Variants in TPST1 observed in about 807,000 individuals in gnomAD.
The protein encoded by TPST1 is tyrosylprotein sulfotransferase 1.
TPST1 carries 20 observed loss-of-function variants against 34.8 expected under a neutral mutation model. That is an observed-to-expected ratio of 0.57 (90% CI 0.40 to 0.84). TPST1 has a LOEUF of 0.84. Among genes scored for constraint, TPST1 ranks in the 40% least tolerant of loss-of-function variants. The probability of loss-of-function intolerance (pLI) is 0.00; values close to 1 mark genes in which losing one functional copy is unlikely to be tolerated. For synonymous variants in TPST1, 152 were observed against 159.4 expected, an observed-to-expected ratio of 0.95 and a Z score of 0.35; for missense variants, 353 against 455.5, an observed-to-expected ratio of 0.78 and a Z score of 2.05.
intron 3 of TPST1, among the ~76,000 whole-genome samples, chr7:66,296,439 C>CT (rs1488832104): frequency 6.6e-6 from 1 of 151,890 alleles, no homozygotes; most frequent in Non-Finnish European, 1.5e-5. Context: ...ATCTTCAAAG[C>CT]TTTTTTGCCT....
At chr7:66,328,886 C>CTCTCTATA (rs757168858) in intron 3 of TPST1, among the ~76,000 whole-genome samples, 29 of 22,094 alleles carry the variant, frequency 1.3e-3, no homozygotes, top group Admixed American at 2.6e-3. Flanking sequence ...CTCTCTCTCT[C>CTCTCTATA]TATATATATA....
At chr7:66,265,199 A>G (rs1395169010) in intron 2 of TPST1, among the ~76,000 whole-genome samples, 1 of 152,236 alleles carries the variant, frequency 6.6e-6, no homozygotes, top group Non-Finnish European at 1.5e-5. Context: ...GTGTACCAAC[A>G]TACACATGAC....
chr7:66,215,374 G>A (rs1310056968), intron 1 of TPST1, among the ~76,000 whole-genome samples: 4 of 147,056 alleles, frequency 2.7e-5, no homozygotes, highest in African/African-American at 5.0e-5. Flanking sequence ...TTATATATAT[G>A]TATATATATA....
At chr7:66,337,524 G>T (rs996122093) in intron 3 of TPST1, among the ~76,000 whole-genome samples, 1 of 151,934 alleles carries the variant, frequency 6.6e-6, no homozygotes, top group African/African-American at 2.4e-5. Context: ...GGCCAGGCTG[G>T]TCTCGAACTC....
intron 1 of TPST1, among the ~76,000 whole-genome samples, chr7:66,231,744 A>G (rs971207372): frequency 1.3e-5 from 2 of 152,222 alleles, no homozygotes; most frequent in Admixed American, 6.5e-5. Context: ...CTGCAAGCTG[A>G]GGGAGCCGGC....
rs533338766 is a variant in TPST1, at chr7:66,215,720, A to T, written c.-102+10198A>T. On this transcript the variant is annotated intron_variant, in intron 1 of 5. Coordinates refer to ENST00000304842, the MANE Select transcript of TPST1 (RefSeq NM_003596.4). ...GAATTAGTGTCAATTTTTTTTTTTA[A>T]CTTTTGATAGAATTTACTAGTGAAG... Among the ~76,000 whole-genome samples the T allele has an allele frequency of 2.2e-4, 33 of 147,770 alleles. No individual in the cohort carries two copies. The South Asian group carries it at 7.1e-3, about 32-fold the overall frequency.
At chr7:66,277,887 G>T (rs1187795398) in intron 2 of TPST1, among the ~76,000 whole-genome samples, 1 of 152,008 alleles carries the variant, frequency 6.6e-6, no homozygotes, top group Non-Finnish European at 1.5e-5. Flanking sequence ...ATCACTTGAG[G>T]TCAGGAGTTT....
At chr7:66,335,690 G>T (rs1325238898) in intron 3 of TPST1, among the ~76,000 whole-genome samples, 3 of 151,968 alleles carry the variant, frequency 2.0e-5, no homozygotes, top group Non-Finnish European at 4.4e-5. Context: ...GTTTTGAATG[G>T]CAGGGCAAGT....
intron 3 of TPST1, among the ~76,000 whole-genome samples, chr7:66,349,249 A>G (rs2116372742): frequency 6.6e-6 from 1 of 152,258 alleles, no homozygotes; most frequent in East Asian, 1.9e-4. Context: ...GAGGAGATTC[A>G]GTGTCTGAAT....
At chr7:66,320,352 A>T (rs1274161557) in intron 3 of TPST1, among the ~76,000 whole-genome samples, 1 of 140,568 alleles carries the variant, frequency 7.1e-6, no homozygotes, top group Middle Eastern at 3.8e-3. Context: ...GGTTCACTCC[A>T]TTCTCCTGCC....
At chr7:66,243,941 A>ATTTTTTTTTTTTT (rs55829208) in intron 2 of TPST1, among the ~76,000 whole-genome samples, 3 of 116,230 alleles carry the variant, frequency 2.6e-5, no homozygotes, top group Non-Finnish European at 3.5e-5. Context: ...ATTCTGGGAA[A>ATTTTTTTTTTTTT]TTTTTTTTTT....
At chr7:66,227,600 T>A (rs1252732082) in intron 1 of TPST1, among the ~76,000 whole-genome samples, 3 of 151,348 alleles carry the variant, frequency 2.0e-5, no homozygotes, top group African/African-American at 7.2e-5. Flanking sequence ...GAGTTGAGAA[T>A]AGACTCTAAT....
In TPST1 at chr7:66,252,607, A is replaced by T. The variant is rs538005967; in HGVS notation, c.845+11337A>T. On this transcript the variant is annotated intron_variant, in intron 2 of 5. Transcript: ENST00000304842. ...CTCGGCCTCCCAAAGTGCTGGGATT[A>T]CAGGCGTGAGCCACCGTGCCCGGCC... Among the ~76,000 whole-genome samples the T allele has an allele frequency of 2.6e-5, 4 of 152,276 alleles. No individual in the cohort carries two copies. The East Asian group carries it at 7.7e-4, about 29-fold the overall frequency.
intron 1 of TPST1, among the ~76,000 whole-genome samples, chr7:66,216,965 G>A (rs919313445): frequency 3.9e-5 from 6 of 152,096 alleles, no homozygotes; most frequent in African/African-American, 1.4e-4. Context: ...ATTTAGGAGG[G>A]TGGTATTTCA....
intron 3 of TPST1, among the ~76,000 whole-genome samples, chr7:66,307,138 CT>C (rs890655522): frequency 4.6e-4 from 68 of 146,510 alleles, no homozygotes; most frequent in African/African-American, 5.2e-4. Flanking sequence ...ACTTCATTCA[CT>C]TTTTTTTTTT....
At chr7:66,298,151 G>A (rs1250680695) in intron 3 of TPST1, among the ~76,000 whole-genome samples, 1 of 152,146 alleles carries the variant, frequency 6.6e-6, no homozygotes, top group Non-Finnish European at 1.5e-5. Flanking sequence ...TATGTATTCT[G>A]TGATTGTTGC....
chr7:66,333,868 T>C (rs1792042455), intron 3 of TPST1, among the ~76,000 whole-genome samples: 2 of 152,208 alleles, frequency 1.3e-5, no homozygotes, highest in South Asian at 4.1e-4. Flanking sequence ...ATGTCTTTCA[T>C]GTCCAACTTT....
chr7:66,265,920 A>G (rs1790584089), intron 2 of TPST1, among the ~76,000 whole-genome samples: 2 of 152,330 alleles, frequency 1.3e-5, no homozygotes, highest in South Asian at 4.1e-4. Flanking sequence ...AATGAAAGAG[A>G]AAGAAGATAT....
chr7:66,334,712 C>A (rs1792060893), intron 3 of TPST1, among the ~76,000 whole-genome samples: 1 of 151,130 alleles, frequency 6.6e-6, no homozygotes. Context: ...AGTGGAGAAA[C>A]CTCCTGGGCC....
Sources: allele counts gnomAD v4.1 joint callset (sites outside exome capture counted in the v4.1 genomes callset), GRCh38; gene constraint gnomAD v4.1.1; transcripts MANE v1.5; gene names NCBI Gene and HGNC (gene_info 2026-07-23, HGNC 2026-07-21).